Variants in TEAD1 observed in about 807,000 individuals in gnomAD.
TEAD1 encodes TEA domain transcription factor 1.
Under a neutral mutation model 54.9 loss-of-function variants are expected in TEAD1, and 9 were observed. The ratio of observed to expected loss-of-function variants is 0.16; its 90% confidence interval spans 0.10 to 0.29. The LOEUF (loss-of-function observed/expected upper bound fraction) is 0.29. TEAD1 is among the 10% of genes least tolerant of loss of function. The pLI is 1.00. For missense variants in TEAD1, 387 were observed against 535.9 expected (o/e 0.72, Z 2.74); for synonymous variants, 200 against 187.8 (o/e 1.07, Z -0.53).
At chr11:12,879,962 C>T (rs1947932753) in intron 6 of TEAD1, 120 bp downstream of exon 6, 1 of 1,456,686 alleles carries the variant, frequency 6.9e-7, no homozygotes, top group Admixed American at 1.7e-5. Context: ...AGGGCAAAGG[C>T]TACCTTGTCA....
chr11:12,922,090 A>G (rs1244281355), intron 10 of TEAD1, among the ~76,000 whole-genome samples: 1 of 152,310 alleles, frequency 6.6e-6, no homozygotes, highest in African/African-American at 2.4e-5. Flanking sequence ...AGTAGCTATT[A>G]GAAGCACCTG....
At chr11:12,818,210 CA>C (rs1946457097) in intron 3 of TEAD1, among the ~76,000 whole-genome samples, 1 of 152,204 alleles carries the variant, frequency 6.6e-6, no homozygotes, top group Non-Finnish European at 1.5e-5. Context: ...TGACGTTATA[CA>C]GCTGGTATGC....
rs1322171365 is a variant in TEAD1, at chr11:12,879,934, G to T, written c.465+92G>T. 10 of 1,588,986 alleles carry T rather than the reference G, an allele frequency of 6.3e-6. No individual in the cohort carries two copies. The African/African-American group carries it at 1.2e-4, about 19-fold the overall frequency. ...GCCTCCCACCTCCATTTCTTGTCAT[G>T]TGGGTCAGGTATGTGAGAGGGCAAA... On this transcript the variant is annotated intron_variant, in intron 6 of 12. Transcript: ENST00000527636.
At chr11:12,817,267 C>A (rs1477149792) in intron 3 of TEAD1, among the ~76,000 whole-genome samples, 2 of 152,174 alleles carry the variant, frequency 1.3e-5, no homozygotes, top group Non-Finnish European at 2.9e-5. Context: ...ATTCTTCTAA[C>A]ACCTAGAAAT....
chr11:12,921,033 A>G (rs556415681), intron 10 of TEAD1, among the ~76,000 whole-genome samples: 3 of 152,336 alleles, frequency 2.0e-5, no homozygotes, highest in African/African-American at 7.2e-5. Flanking sequence ...AAGGTTTTAG[A>G]AAAGTTAATA....
At chr11:12,820,077 G>A (rs1358035771) in intron 3 of TEAD1, among the ~76,000 whole-genome samples, 3 of 151,982 alleles carry the variant, frequency 2.0e-5, no homozygotes. Flanking sequence ...GTGGTGGCAG[G>A]TCATGGGGGT....
At chr11:12,872,320 G>A (rs550207096) in intron 5 of TEAD1, among the ~76,000 whole-genome samples, 12 of 152,288 alleles carry the variant, frequency 7.9e-5, no homozygotes, top group African/African-American at 2.9e-4. Flanking sequence ...AGGAGGCAAG[G>A]AAAGCCTGAG....
At chr11:12,933,178 T>C (rs532118970) in intron 12 of TEAD1, among the ~76,000 whole-genome samples, 5 of 152,296 alleles carry the variant, frequency 3.3e-5, no homozygotes, top group African/African-American at 1.2e-4. Flanking sequence ...TAATGCTGCC[T>C]TGCAAAATAT....
intron 2 of TEAD1, among the ~76,000 whole-genome samples, chr11:12,693,617 T>C (rs1749214911): frequency 6.6e-6 from 1 of 152,256 alleles, no homozygotes; most frequent in Non-Finnish European, 1.5e-5. Context: ...CGGCTTCCCA[T>C]GTGATGCCTG....
At position 12,937,600 on chromosome 11, in the gene TEAD1, C is replaced by T. The variant is rs1949121920; in HGVS notation, c.*378C>T. 6.0e-6 allele frequency: 1 copy of T among 166,666 alleles called. No homozygotes were observed. Among genetic ancestry groups the T allele is most frequent in the South Asian group, 1.6e-4 (1 of 6,322 alleles). 10.3% of individuals were successfully genotyped at this position (166,666 alleles called of 1,614,324 possible). A position where few individuals can be genotyped will look rare whatever the true frequency, so the allele number is the denominator to read the frequency against. Reference sequence around the variant, plus strand: ...CAGAGCATTTGCCATGGGACATTTACAGCCTTTATACAAATGTATTTAGTT... The same window carrying T: ...CAGAGCATTTGCCATGGGACATTTATAGCCTTTATACAAATGTATTTAGTT... On this transcript the variant is annotated 3_prime_UTR_variant, in exon 13 of 13. Transcript: ENST00000527636.
chr11:12,758,779 A>G (rs1945043018), intron 2 of TEAD1, among the ~76,000 whole-genome samples: 1 of 151,262 alleles, frequency 6.6e-6, no homozygotes, highest in African/African-American at 2.4e-5. Context: ...CTGACCTCAA[A>G]TGATCCACCT....
chr11:12,746,669 C>G (rs1156620539), intron 2 of TEAD1, among the ~76,000 whole-genome samples: 3 of 152,210 alleles, frequency 2.0e-5, no homozygotes, highest in African/African-American at 4.8e-5. Flanking sequence ...GCTGCTCTTT[C>G]TCACCTCTGG....
At chr11:12,802,811 T>C (rs753098661) in intron 3 of TEAD1, among the ~76,000 whole-genome samples, 27 of 152,350 alleles carry the variant, frequency 1.8e-4, no homozygotes, top group Non-Finnish European at 3.7e-4. Flanking sequence ...GAGCCCTTTG[T>C]TCTCCTGGTT....
At chr11:12,756,447 A>G (rs1944984899) in intron 2 of TEAD1, among the ~76,000 whole-genome samples, 1 of 152,188 alleles carries the variant, frequency 6.6e-6, no homozygotes. Flanking sequence ...TTCTCAGGCC[A>G]CTTGTTAGCA....
intron 2 of TEAD1, among the ~76,000 whole-genome samples, chr11:12,753,042 A>G (rs1044927184): frequency 8.5e-5 from 12 of 141,798 alleles, no homozygotes; most frequent in Admixed American, 2.2e-4. Flanking sequence ...ATAGGGTCTC[A>G]CTATGTTGCC....
chr11:12,923,457 T>C (rs72862777), intron 10 of TEAD1, among the ~76,000 whole-genome samples: 10,179 of 152,218 alleles, frequency 0.067, 392 homozygotes, highest in Middle Eastern at 0.12. Context: ...GTGTGGTATG[T>C]TCCTCACTTA....
chr11:12,820,843 A>G (rs925616358), intron 3 of TEAD1, among the ~76,000 whole-genome samples: 2 of 152,190 alleles, frequency 1.3e-5, no homozygotes, highest in African/African-American at 4.8e-5. Context: ...ATCAAAGCGA[A>G]CAATTTTAAG....
At chr11:12,763,104 G>T (rs1369016678) in intron 2 of TEAD1, among the ~76,000 whole-genome samples, 1 of 152,202 alleles carries the variant, frequency 6.6e-6, no homozygotes, top group Non-Finnish European at 1.5e-5. Context: ...TAGTGTGCCA[G>T]ACAGCAGGGA....
At chr11:12,826,720 TG>T (rs1253057822) in intron 3 of TEAD1, among the ~76,000 whole-genome samples, 2 of 152,126 alleles carry the variant, frequency 1.3e-5, no homozygotes, top group Non-Finnish European at 2.9e-5. Context: ...GAGCATCAAA[TG>T]AAAAAATGTG....
Sources: gnomAD v4.1 joint callset for allele counts (sites outside exome capture counted in the v4.1 genomes callset) on GRCh38, gnomAD v4.1.1 for gene constraint, MANE v1.5 for transcripts, NCBI Gene and HGNC (gene_info 2026-07-23, HGNC 2026-07-21) for gene names.